Variants in MCF2L2 observed in about 807,000 individuals in gnomAD.
The protein encoded by MCF2L2 is probable guanine nucleotide exchange factor MCF2L2.
Under a neutral mutation model 150.2 loss-of-function variants are expected in MCF2L2, and 102 were observed. That is an observed-to-expected ratio of 0.68 (90% confidence interval 0.58 to 0.80). The LOEUF (loss-of-function observed/expected upper bound fraction) is 0.80. Among genes scored for constraint, MCF2L2 ranks in the 30% least tolerant of loss-of-function variants. MCF2L2 has a pLI of 0.00. For missense variants in MCF2L2, 1,256 were observed against 1,372.8 expected (o/e 0.91, Z 1.34); for synonymous variants, 465 against 491.3 (o/e 0.95, Z 0.71).
intron 15 of MCF2L2, among the ~76,000 whole-genome samples, chr3:183,251,232 G>C (rs753028830): frequency 6.6e-6 from 1 of 152,132 alleles, no homozygotes; most frequent in Non-Finnish European, 1.5e-5. Flanking sequence ...GACAAATTTC[G>C]CTAAACAGGT....
At position 183,179,949 on chromosome 3, in the gene MCF2L2, G is replaced by T; in HGVS notation, c.3105+122C>A. ...TGACCTCGGCTCCCTGGCTTAACCA[G>T]GTCCTTATGGGTGAGAATCCTGAGG... is the stretch of plus-strand genomic sequence containing the variant. On this transcript the variant is annotated intron_variant, in intron 28 of 29. Transcript: ENST00000328913. This position sits in a 1 kb window ranked among gnomAD's most constrained non-coding sequence, Gnocchi z 4.2. The T allele has an allele frequency of 1.1e-6, 1 of 871,328 alleles. No homozygotes were observed. The highest frequency in any genetic ancestry group is 1.5e-5 in the South Asian group (1 of 65,820). 54.0% of individuals were successfully genotyped at this position (871,328 alleles called of 1,614,324 possible). A position where few individuals can be genotyped will look rare whatever the true frequency, so the allele number is the denominator to read the frequency against.
chr3:183,179,203 G>GA lies in MCF2L2; in HGVS notation c.*176_*177insT. On this transcript the variant is annotated 3_prime_UTR_variant, in exon 30 of 30. Coordinates refer to ENST00000328913, the MANE Select transcript of MCF2L2 (RefSeq NM_015078.4). This position sits in a 1 kb window ranked among gnomAD's most constrained non-coding sequence, Gnocchi z 4.2. ...CTCCGAGGTCCCCCGTGCGGAGCTA[G>GA]GCGCGCACCCAGGACACCCCTCGGG... The GA allele has an allele frequency of 1.2e-6, 1 of 850,620 alleles. No homozygotes were observed. Among genetic ancestry groups the GA allele is most frequent in the Non-Finnish European group, 1.6e-6 (1 of 616,160 alleles). 52.7% of individuals were successfully genotyped at this position (850,620 alleles called of 1,614,324 possible).
intron 4 of MCF2L2, among the ~76,000 whole-genome samples, chr3:183,340,139 C>T (rs989102549): frequency 4.6e-5 from 7 of 152,194 alleles, no homozygotes; most frequent in African/African-American, 1.4e-4. Context: ...TCTTCCCCAT[C>T]TTTAAATGCA....
At chr3:183,366,475 T>C (rs1712527040) in intron 3 of MCF2L2, among the ~76,000 whole-genome samples, 1 of 152,088 alleles carries the variant, frequency 6.6e-6, no homozygotes, top group African/African-American at 2.4e-5. Context: ...CAAAATCCTG[T>C]CTCTACTAAA....
intron 1 of MCF2L2, among the ~76,000 whole-genome samples, chr3:183,393,822 A>G (rs1033189198): frequency 1.9e-4 from 29 of 152,200 alleles, no homozygotes; most frequent in Non-Finnish European, 1.5e-5. Context: ...TGGAGCCAGG[A>G]CCTTTGCTAA....
chr3:183,180,880 C>T (rs533193392), intron 27 of MCF2L2, among the ~76,000 whole-genome samples: 18 of 152,310 alleles, frequency 1.2e-4, no homozygotes, highest in Middle Eastern at 3.4e-3. Flanking sequence ...TGGCCTGTGG[C>T]AGGGCAGCTG....
At chr3:183,372,483 T>C (rs918278516) in intron 3 of MCF2L2, 4 of 151,928 alleles carry the variant, frequency 2.6e-5, no homozygotes, top group Non-Finnish European at 5.9e-5. Context: ...CCTTTAGAAA[T>C]AGAAACAATC....
chr3:183,293,544 T>C (rs759782984), intron 13 of MCF2L2, among the ~76,000 whole-genome samples: 1 of 152,096 alleles, frequency 6.6e-6, no homozygotes, highest in Non-Finnish European at 1.5e-5. Context: ...CGATAAAAAC[T>C]CTCCTAAAAA....
At chr3:183,285,772 T>C (rs1194542540) in intron 14 of MCF2L2, among the ~76,000 whole-genome samples, 1 of 152,218 alleles carries the variant, frequency 6.6e-6, no homozygotes, top group Non-Finnish European at 1.5e-5. Flanking sequence ...TCTGCTCCTT[T>C]AAATAACTTT....
intron 3 of MCF2L2, among the ~76,000 whole-genome samples, chr3:183,345,573 G>A (rs1730866480): frequency 1.3e-5 from 2 of 152,150 alleles, no homozygotes; most frequent in Admixed American, 6.6e-5. Flanking sequence ...TAAGATCAGA[G>A]CAGAACTGAA....
chr3:183,395,473 C>T (rs567050531), intron 1 of MCF2L2, among the ~76,000 whole-genome samples: 42 of 152,286 alleles, frequency 2.8e-4, no homozygotes, highest in Admixed American at 1.6e-3. Context: ...AGTTTACATA[C>T]GGAAAAGTAT....
At chr3:183,304,065 C>T (rs1467702150) in intron 10 of MCF2L2, among the ~76,000 whole-genome samples, 1 of 152,216 alleles carries the variant, frequency 6.6e-6, no homozygotes, top group African/African-American at 2.4e-5. Flanking sequence ...CCTACTCCCC[C>T]TCACCCATAC....
At chr3:183,248,867 T>C (rs755757840) in intron 15 of MCF2L2, among the ~76,000 whole-genome samples, 22 of 152,010 alleles carry the variant, frequency 1.4e-4, no homozygotes, top group Non-Finnish European at 3.2e-4. Flanking sequence ...AAAAAGAAAA[T>C]TACATTTTAG....
chr3:183,324,308 C>A (rs1345708544), intron 5 of MCF2L2, among the ~76,000 whole-genome samples: 1 of 152,128 alleles, frequency 6.6e-6, no homozygotes, highest in Non-Finnish European at 1.5e-5. Flanking sequence ...CCTTTCTATT[C>A]CTTGGCAGTA....
chr3:183,211,474 C>T (rs148533695), intron 22 of MCF2L2, among the ~76,000 whole-genome samples: 99 of 152,342 alleles, frequency 6.5e-4, no homozygotes, highest in African/African-American at 2.3e-3. Flanking sequence ...CCCATCTCCA[C>T]GCCCAAGGTC....
intron 3 of MCF2L2, among the ~76,000 whole-genome samples, chr3:183,354,599 T>C (rs1166174805): frequency 6.6e-6 from 1 of 152,022 alleles, no homozygotes; most frequent in African/African-American, 2.4e-5. Flanking sequence ...AATCCACCTA[T>C]GATCTGTAAG....
chr3:183,301,893 A>C (rs979335497), intron 10 of MCF2L2, among the ~76,000 whole-genome samples: 3 of 151,970 alleles, frequency 2.0e-5, no homozygotes, highest in African/African-American at 4.8e-5. Context: ...AGGAACTTAG[A>C]TTTTTGGGAA....
chr3:183,229,773 G>A lies in MCF2L2; in HGVS notation c.1938C>T (p.Ile646=), dbSNP rs762306577. The A allele has an allele frequency of 2.7e-6, 4 of 1,482,644 alleles. No individual in the cohort carries two copies. The Admixed American group carries it at 5.1e-5, about 19-fold the overall frequency. 91.8% of individuals were successfully genotyped at this position (1,482,644 alleles called of 1,614,324 possible). A position where few individuals can be genotyped will look rare whatever the true frequency, so the allele number is the denominator to read the frequency against. ...KEIKSIIDGY[I]TPMDFIWLKH... ...TTAGCCAAATAAAATCCATTGGAGTGATATATCCCTGCAGAGGTGCAAACA... is the reference window on the plus strand; with the variant it reads ...TTAGCCAAATAAAATCCATTGGAGTAATATATCCCTGCAGAGGTGCAAACA... The change falls in exon 17 of 30, where the codon ATC becomes ATT. Residue 646 remains isoleucine, a synonymous_variant. Coordinates refer to ENST00000328913, the MANE Select transcript of MCF2L2 (RefSeq NM_015078.4).
rs775615734 is a variant in MCF2L2 at position 183,219,883 on chromosome 3, G to T, written c.2343C>A (p.Asp781Glu). 2.5e-6 allele frequency: 4 copies of T among 1,613,238 alleles called. No individual in the cohort carries two copies. The highest frequency in any genetic ancestry group is 1.1e-5 in the South Asian group (1 of 91,032). Residue 781 changes from aspartate to glutamate, a missense_variant, in exon 21 of 30, where the codon GAC becomes GAA. Transcript: ENST00000328913. ...DFESPEDMEI[D>E]PGELGGSAKD... is the part of the protein sequence containing the mutation. ...TAGCCGAGCCTCCTAGTTCACCTGG[G>T]TCTATCTCCATATCTTCAGGAGACT... is the stretch of plus-strand genomic sequence containing the variant.
Sources: gnomAD v4.1 joint callset for allele counts (sites outside exome capture counted in the v4.1 genomes callset) on GRCh38, gnomAD v4.1.1 for gene constraint, Gnocchi (gnomAD v3.1) non-coding constraint, MANE v1.5 for transcripts, NCBI Gene and HGNC (gene_info 2026-07-23, HGNC 2026-07-21) for gene names.